Variants in SDK1 observed in about 807,000 individuals in gnomAD.
The protein encoded by SDK1 is sidekick cell adhesion molecule 1.
Under a neutral mutation model 245.5 loss-of-function variants are expected in SDK1, and 157 were observed. That is an observed-to-expected ratio of 0.64 (90% CI 0.56 to 0.73). The LOEUF (loss-of-function observed/expected upper bound fraction) is 0.73. Ranked by LOEUF, SDK1 falls within the 30% of genes least tolerant of loss-of-function variation. SDK1 has a pLI of 0.00. For synonymous variants in SDK1, 1,647 were observed against 1,278.5 expected (o/e 1.29, Z -6.15); for missense variants, 3,583 against 3,002.3 (o/e 1.19, Z -4.52).
intron 1 of SDK1, among the ~76,000 whole-genome samples, chr7:3,536,114 T>C (rs1208085908): frequency 9.9e-5 from 15 of 151,848 alleles, no homozygotes; most frequent in Admixed American, 9.8e-4. Flanking sequence ...TGGAGTGCAG[T>C]GGTGCGATCT....
chr7:3,627,607 C>T (rs1782160754), intron 2 of SDK1, among the ~76,000 whole-genome samples: 1 of 152,202 alleles, frequency 6.6e-6, no homozygotes, highest in Non-Finnish European at 1.5e-5. Flanking sequence ...TCAGTCTCTG[C>T]CGTTGCCACG....
At chr7:3,346,768 T>TATAC (rs1348957052) in intron 1 of SDK1, among the ~76,000 whole-genome samples, 4 of 139,096 alleles carry the variant, frequency 2.9e-5, no homozygotes, top group African/African-American at 1.1e-4. Context: ...TGTATATATG[T>TATAC]ATATATGTAT....
At chr7:4,093,293 A>G (rs1584105549) in intron 22 of SDK1, among the ~76,000 whole-genome samples, 1 of 150,330 alleles carries the variant, frequency 6.7e-6, no homozygotes, top group African/African-American at 2.4e-5. Context: ...CTGCTCAGTT[A>G]CCTCTGTAAA....
chr7:3,919,327 C>T (rs1191683181), intron 5 of SDK1, among the ~76,000 whole-genome samples: 2 of 151,562 alleles, frequency 1.3e-5, no homozygotes, highest in Non-Finnish European at 3.0e-5. Flanking sequence ...TGTGGGTGTC[C>T]CAGTCTTGCT....
chr7:3,745,081 C>A (rs1467925385), intron 4 of SDK1, among the ~76,000 whole-genome samples: 1 of 152,164 alleles, frequency 6.6e-6, no homozygotes, highest in Non-Finnish European at 1.5e-5. Context: ...TCACAAAACA[C>A]TCCAAGTTCC....
At chr7:4,140,367 C>T (rs1055429723) in intron 28 of SDK1, among the ~76,000 whole-genome samples, 2 of 152,194 alleles carry the variant, frequency 1.3e-5, no homozygotes, top group African/African-American at 4.8e-5. Context: ...CAGATGGGAG[C>T]CCTCACATGC....
At chr7:4,011,172 A>G (rs530808888) in intron 15 of SDK1, 59 bp downstream of exon 15, 4 of 1,580,072 alleles carry the variant, frequency 2.5e-6, no homozygotes, top group African/African-American at 1.3e-5. Context: ...AATGCCAAAG[A>G]GAAGCATCAC....
At chr7:3,413,863 G>A (rs981029259) in intron 1 of SDK1, among the ~76,000 whole-genome samples, 6 of 152,136 alleles carry the variant, frequency 3.9e-5, no homozygotes, top group Non-Finnish European at 7.3e-5. Context: ...GCACATGTTT[G>A]TGGTCCCAGC....
chr7:3,378,429 T>G (rs2128566215), intron 1 of SDK1, among the ~76,000 whole-genome samples: 1 of 152,324 alleles, frequency 6.6e-6, no homozygotes, highest in Non-Finnish European at 1.5e-5. Context: ...GTGTTATCAC[T>G]TGCGTTTCTT....
At chr7:4,067,757 A>T in intron 19 of SDK1, 81 bp from the exon 20 acceptor site, 1 of 991,358 alleles carries the variant, frequency 1.0e-6, no homozygotes, top group Non-Finnish European at 1.5e-6. Flanking sequence ...TTCCTTCCAT[A>T]GTTAGAACCT....
chr7:3,637,076 T>C (rs866124319), intron 2 of SDK1, among the ~76,000 whole-genome samples: 3 of 143,464 alleles, frequency 2.1e-5, no homozygotes, highest in African/African-American at 8.0e-5. Context: ...AGAGAGAGAG[T>C]GCGTGCGCGC....
At chr7:3,443,162 G>C (rs576255182) in intron 1 of SDK1, among the ~76,000 whole-genome samples, 1 of 151,298 alleles carries the variant, frequency 6.6e-6, no homozygotes, top group African/African-American at 2.4e-5. Flanking sequence ...GTTCTATATA[G>C]CAATGCAGAG....
Position 4,149,265 on chromosome 7 carries a change from G to T in SDK1, c.4427G>T (p.Arg1476Leu). 1 of 1,519,140 alleles carries T rather than the reference G, an allele frequency of 6.6e-7. No homozygotes were observed. The allele number at this position is 1,519,140 out of a possible 1,614,324, so 94.1% of individuals were successfully genotyped here. A position where few individuals can be genotyped will look rare whatever the true frequency, so the allele number is the denominator to read the frequency against. The change falls in exon 30 of 45, where the codon CGG becomes CTG. Residue 1476 changes from arginine (R) to leucine (L), a missense_variant. By Grantham distance (102) the Arg-to-Leu change is moderately radical. Transcript: ENST00000404826. ...ATVITTEKRE[R>L]PAPPRELLVP... is the part of the protein sequence containing the mutation. ...GTCTGTCCTCATTTGGTTGCAGAGC[G>T]GCCGGCACCCCCCAGAGAGCTCCTG... is the stretch of plus-strand genomic sequence containing the variant.
intron 4 of SDK1, among the ~76,000 whole-genome samples, chr7:3,761,074 G>C (rs921387144): frequency 1.3e-5 from 2 of 152,166 alleles, no homozygotes; most frequent in African/African-American, 2.4e-5. Flanking sequence ...GAGTGGGTCA[G>C]ATAAGTATGT....
At chr7:4,107,610 G>A (rs926013118) in intron 22 of SDK1, among the ~76,000 whole-genome samples, 15 of 151,968 alleles carry the variant, frequency 9.9e-5, no homozygotes, top group East Asian at 3.9e-4. Flanking sequence ...CTCTGAAACC[G>A]CTAAACCATG....
chr7:4,083,729 CCTCCATCCCTCCCTTCCTTTACTTCCTGT>C (rs1781233553), intron 22 of SDK1, among the ~76,000 whole-genome samples: 1 of 1,836 alleles, frequency 5.4e-4, no homozygotes, highest in African/African-American at 1.5e-3. Context: ...TTCTTTACTT[CCTCCATCCCTCCCTTCCTTTACTTCCTGT>C]CTCCCTCCCT....
intron 4 of SDK1, among the ~76,000 whole-genome samples, chr7:3,694,091 A>G (rs953992582): frequency 1.1e-4 from 16 of 152,192 alleles, no homozygotes. Context: ...TGTCTTGCCC[A>G]AAAGTGTGCC....
At chr7:3,622,921 A>C (rs1781989008) in intron 2 of SDK1, among the ~76,000 whole-genome samples, 1 of 152,128 alleles carries the variant, frequency 6.6e-6, no homozygotes, top group African/African-American at 2.4e-5. Flanking sequence ...CATGATATAA[A>C]ACCTGTCTAA....
chr7:3,911,697 C>T (rs977227963), intron 5 of SDK1, among the ~76,000 whole-genome samples: 3 of 152,112 alleles, frequency 2.0e-5, no homozygotes, highest in African/African-American at 7.2e-5. Context: ...GGCCAGCCAT[C>T]TCTTTACTGT....
Sources: allele counts gnomAD v4.1 joint callset (sites outside exome capture counted in the v4.1 genomes callset), GRCh38; gene constraint gnomAD v4.1.1; transcripts MANE v1.5; gene names NCBI Gene and HGNC (gene_info 2026-07-23, HGNC 2026-07-21).